ITCH: variants seen among roughly 807,000 people sequenced by gnomAD.
ITCH encodes the protein itchy E3 ubiquitin protein ligase.
A neutral mutation model predicts 126.8 loss-of-function variants in ITCH; 28 were observed. That is an observed-to-expected ratio of 0.22 (90% confidence interval 0.16 to 0.30). The LOEUF is 0.30. ITCH is among the 10% of genes least tolerant of loss of function. ITCH has a pLI of 1.00. For synonymous variants in ITCH, 342 were observed against 340.0 expected, an observed-to-expected ratio of 1.01 and a Z score of -0.06; for missense variants, 631 against 1,032.4, an observed-to-expected ratio of 0.61 and a Z score of 5.33.
intron 12 of ITCH, among the ~76,000 whole-genome samples, chr20:34,456,851 G>A (rs1286147587): frequency 6.6e-6 from 1 of 151,226 alleles, no homozygotes; most frequent in Non-Finnish European, 1.5e-5. Context: ...CAAAGTGCTG[G>A]GATTACAGGC....
At chr20:34,455,290 TCTTTAATA>T (rs1441021511) in intron 12 of ITCH, among the ~76,000 whole-genome samples, 2 of 152,208 alleles carry the variant, frequency 1.3e-5, no homozygotes, top group Non-Finnish European at 2.9e-5. Context: ...CATTCTATGA[TCTTTAATA>T]CATCAGTTAT....
At chr20:34,416,798 C>T (rs890500347) in intron 6 of ITCH, among the ~76,000 whole-genome samples, 3 of 151,830 alleles carry the variant, frequency 2.0e-5, no homozygotes, top group African/African-American at 7.3e-5. Flanking sequence ...CTACAAGTCT[C>T]GGTTATAATG....
At chr20:34,433,042 C>T (rs550448675) in intron 7 of ITCH, among the ~76,000 whole-genome samples, 32 of 152,184 alleles carry the variant, frequency 2.1e-4, no homozygotes, top group Middle Eastern at 6.8e-3. Context: ...GTAATCCCAG[C>T]ACTTTAGGAG....
chr20:34,474,774 C>T (rs994619173), intron 16 of ITCH, among the ~76,000 whole-genome samples: 8 of 121,918 alleles, frequency 6.6e-5, no homozygotes, highest in South Asian at 2.7e-4. Flanking sequence ...CAGGACAGGG[C>T]GGCTGGCCGG....
At chr20:34,464,180 G>A (rs1238665251) in intron 14 of ITCH, among the ~76,000 whole-genome samples, 1 of 151,210 alleles carries the variant, frequency 6.6e-6, no homozygotes, top group Admixed American at 6.6e-5. Flanking sequence ...AATAGAGACG[G>A]GGTTTCACCA....
chr20:34,393,617 G>A (rs2038562760), intron 2 of ITCH, among the ~76,000 whole-genome samples, 174 bp from the exon 3 acceptor site: 1 of 152,218 alleles, frequency 6.6e-6, no homozygotes, highest in Non-Finnish European at 1.5e-5. Context: ...GAACAGCCAT[G>A]TCAGATTTTG....
At chr20:34,392,744 C>T (rs1272363314) in intron 2 of ITCH, among the ~76,000 whole-genome samples, 1 of 151,908 alleles carries the variant, frequency 6.6e-6, no homozygotes, top group Non-Finnish European at 1.5e-5. Context: ...TAGGGTCTTC[C>T]TCTGTTGCCC....
At chr20:34,369,958 C>G (rs944928978) in intron 2 of ITCH, among the ~76,000 whole-genome samples, 1 of 151,756 alleles carries the variant, frequency 6.6e-6, no homozygotes, top group African/African-American at 2.4e-5. Flanking sequence ...AAAAAAAAAT[C>G]AGCTGGTGTG....
Position 34,413,819 on chromosome 20 carries a change from C to T in ITCH, c.415C>T (p.Leu139Phe). 1 of 1,613,688 alleles carries T rather than the reference C, an allele frequency of 6.2e-7. No homozygotes were observed. The highest frequency in any genetic ancestry group is 8.5e-7 in the Non-Finnish European group (1 of 1,179,690). ...TETIGDLSIC[L>F]DGLQLESEVV... ...GACAATAGGAGACTTGTCAATTTGT[C>T]TTGATGGGCTACAGTTAGAGTCTGA... Residue 139 changes from leucine (L) to phenylalanine (F), a missense_variant, in exon 6 of 25, where the codon CTT becomes TTT. Leu to Phe is a conservative substitution (Grantham distance 22). Coordinates refer to ENST00000374864, the MANE Select transcript of ITCH (RefSeq NM_031483.7).
chr20:34,470,103 T>C lies in ITCH; in HGVS notation c.1480T>C (p.Phe494Leu). The C allele has an allele frequency of 6.2e-7, 1 of 1,613,872 alleles. No individual in the cohort carries two copies. Among genetic ancestry groups the C allele is most frequent in the Non-Finnish European group, 8.5e-7 (1 of 1,179,752 alleles). The change falls in exon 15 of 25, where the codon TTC becomes CTC. Residue 494 changes from phenylalanine (F) to leucine (L), a missense_variant. Physicochemically the swap from Phe to Leu is conservative, Grantham distance 22 (BLOSUM62 0). Coordinates refer to ENST00000374864, the MANE Select transcript of ITCH (RefSeq NM_031483.7). ...GGACTTCAAAGCAAAGGTTCAGTAT[T>C]TCCGGTTCTGGTGTCAGGTTAGTAT... is the stretch of plus-strand genomic sequence containing the variant. Reference protein sequence around the residue: ...VRDFKAKVQYFRFWCQQLAMP... With the variant: ...VRDFKAKVQYLRFWCQQLAMP...
intron 3 of ITCH, chr20:34,402,414 G>C (rs2038918294): frequency 1.3e-6 from 1 of 774,626 alleles, no homozygotes; most frequent in Non-Finnish European, 2.4e-6. Context: ...TTGGACAGTG[G>C]CACCCACTTT....
intron 16 of ITCH, among the ~76,000 whole-genome samples, chr20:34,474,865 G>A (rs1288361242): frequency 7.9e-5 from 12 of 151,926 alleles, no homozygotes; most frequent in South Asian, 2.1e-4. Context: ...CAGACGGGGC[G>A]GCTGCCGGGC....
In ITCH at chr20:34,488,900, G is replaced by A. The variant is rs373036199; in HGVS notation, c.2094-366G>A. Among the ~76,000 whole-genome samples the A allele has an allele frequency of 4.6e-5, 7 of 152,212 alleles. No homozygotes were observed. The East Asian group carries it at 5.8e-4, about 13-fold the overall frequency. On this transcript the variant is annotated intron_variant, in intron 20 of 24. Coordinates refer to ENST00000374864, the MANE Select transcript of ITCH (RefSeq NM_031483.7). ...ATACAAAACCAAAAATCAGCCAGGCGTGGTGTTGCACACCTATATTCCCAG... is the reference window on the plus strand; with the variant it reads ...ATACAAAACCAAAAATCAGCCAGGCATGGTGTTGCACACCTATATTCCCAG...
chr20:34,447,173 A>ATT (rs11341610), intron 11 of ITCH, among the ~76,000 whole-genome samples: 2 of 144,900 alleles, frequency 1.4e-5, no homozygotes, highest in East Asian at 2.0e-4. Flanking sequence ...AGTCTTTGGA[A>ATT]TTTTTTTTTT....
chr20:34,453,119 A>G (rs771979650), intron 12 of ITCH, among the ~76,000 whole-genome samples: 3 of 152,240 alleles, frequency 2.0e-5, no homozygotes, highest in Non-Finnish European at 2.9e-5. Flanking sequence ...TTTTTCAACA[A>G]AGTCAGAAAT....
At chr20:34,485,937 C>T (rs1989075309) in intron 20 of ITCH, among the ~76,000 whole-genome samples, 1 of 152,172 alleles carries the variant, frequency 6.6e-6, no homozygotes, top group African/African-American at 2.4e-5. Flanking sequence ...GCTATCCTCC[C>T]ACATTCTGTT....
chr20:34,494,621 A>G (rs529846137), intron 23 of ITCH, among the ~76,000 whole-genome samples: 9 of 152,336 alleles, frequency 5.9e-5, no homozygotes, highest in African/African-American at 1.7e-4. Context: ...ACATTTATCA[A>G]TTCTTTGTGT....
intron 11 of ITCH, among the ~76,000 whole-genome samples, chr20:34,446,817 C>T (rs1287134034): frequency 6.6e-6 from 1 of 152,186 alleles, no homozygotes; most frequent in Non-Finnish European, 1.5e-5. Flanking sequence ...GGGTTCGAAT[C>T]CTGGTTCCAC....
chr20:34,486,665 T>TTTTA (rs71194610), intron 20 of ITCH, among the ~76,000 whole-genome samples: 65,964 of 149,062 alleles, frequency 0.44, 15,151 homozygotes, highest in Non-Finnish European at 0.5. Context: ...ATTTTATTTA[T>TTTTA]TTTATTTATT....
Sources: gnomAD v4.1 joint callset for allele counts (sites outside exome capture counted in the v4.1 genomes callset) on GRCh38, gnomAD v4.1.1 for gene constraint, MANE v1.5 for transcripts, NCBI Gene and HGNC (gene_info 2026-07-23, HGNC 2026-07-21) for gene names.